The following GAK variants were observed in gnomAD, a reference collection of about 807,000 sequenced individuals.
The protein encoded by GAK is cyclin G associated kinase, also known as cyclin-G-associated kinase.
In GAK, 79 loss-of-function variants were observed where a neutral mutation model predicts 143.9. The observed-to-expected ratio is 0.55, with a 90% CI of 0.46 to 0.66. The LOEUF (loss-of-function observed/expected upper bound fraction) is 0.66, where lower values mean the gene tolerates loss of function less well. Among genes scored for constraint, GAK ranks in the 30% least tolerant of loss-of-function variants. GAK has a pLI of 0.00. For missense variants in GAK, 1,693 were observed against 1,779.7 expected, an observed-to-expected ratio of 0.95 and a Z score of 0.88; for synonymous variants, 881 against 765.5, an observed-to-expected ratio of 1.15 and a Z score of -2.49.
chr4:918,232 T>C (rs1242751221), intron 1 of GAK, among the ~76,000 whole-genome samples: 1 of 152,224 alleles, frequency 6.6e-6, no homozygotes, highest in African/African-American at 2.4e-5. Flanking sequence ...TAGGGAACAC[T>C]GGATCACCAA....
chr4:849,832 G>T, intron 27 of GAK, 58 bp from the exon 28 acceptor site: 1 of 1,256,596 alleles, frequency 8.0e-7, no homozygotes, highest in Non-Finnish European at 1.1e-6. Context: ...GGGCGGGGCA[G>T]GACCCCCCCC....
chr4:914,815 C>T (rs1300972474), intron 1 of GAK, among the ~76,000 whole-genome samples: 3 of 134,088 alleles, frequency 2.2e-5, no homozygotes, highest in African/African-American at 8.6e-5. Flanking sequence ...CATACACACA[C>T]AGCCCCAACG....
At chr4:863,889 G>A (rs986270900) in intron 23 of GAK, among the ~76,000 whole-genome samples, 9 of 152,162 alleles carry the variant, frequency 5.9e-5, no homozygotes, top group Non-Finnish European at 1.0e-4. Flanking sequence ...TGGGCGTGGT[G>A]GCAGGCACCT....
chr4:901,139 C>T, intron 5 of GAK, among the ~76,000 whole-genome samples: 1 of 152,256 alleles, frequency 6.6e-6, no homozygotes, highest in Admixed American at 6.5e-5. Flanking sequence ...ACCAGAGAAA[C>T]ACAGAGGGAA....
chr4:914,447 A>T (rs1435982880), intron 1 of GAK, among the ~76,000 whole-genome samples: 1 of 34,914 alleles, frequency 2.9e-5, no homozygotes, highest in African/African-American at 1.2e-4. Context: ...CACGGCCCCC[A>T]CACACACAGC....
chr4:880,640 C>T (rs1714906589), intron 15 of GAK, among the ~76,000 whole-genome samples: 1 of 152,152 alleles, frequency 6.6e-6, no homozygotes, highest in South Asian at 2.1e-4. Flanking sequence ...TTCTGGCCTC[C>T]TTCTCTTCTG....
Position 867,426 on chromosome 4 carries a change from T to G in GAK, c.2402A>C (p.Lys801Thr), listed in dbSNP as rs1410199170. 1 of 1,518,972 alleles carries G rather than the reference T, an allele frequency of 6.6e-7. No individual in the cohort carries two copies. The highest frequency in any genetic ancestry group is 2.1e-5 in the Admixed American group (1 of 47,852). The allele number at this position is 1,518,972 out of a possible 1,614,324, so 94.1% of individuals were successfully genotyped here. The part of the protein sequence containing the change: ...FLHTLDWQEE[K>T]EAETGAENAS... ...ATTTTCTGCACCAGTCTCTGCCTCC[T>G]TCTCTTCTGCGAAAAGGAAACAAAA... Residue 801 changes from lysine (K) to threonine (T), a missense_variant, in exon 21 of 28, where the codon AAG becomes ACG. Coordinates refer to ENST00000314167, the MANE Select transcript of GAK (RefSeq NM_005255.4).
chr4:849,868 C>T (rs766914110), intron 27 of GAK, 24 bp downstream of exon 27: 32 of 1,533,740 alleles, frequency 2.1e-5, no homozygotes, highest in South Asian at 6.9e-5. Flanking sequence ...AGGCCTCAAG[C>T]GGCCGCCTGG....
In GAK at chr4:868,559, AG is replaced by A. The variant is rs1711554552; in HGVS notation, c.2374del (p.Leu792CysfsTer28). On this transcript the variant is annotated frameshift_variant, in exon 20 of 28. Coordinates refer to ENST00000314167, the MANE Select transcript of GAK (RefSeq NM_005255.4). LOFTEE classifies it high-confidence loss of function. ...CCTACCCTGCCAGTCCAGCGTGTGC[AG>A]GAAGCGACTGGCGTCCGCGCTGCTG... ...PSSSADASRFLHTLDWQEEKE... is the reference protein window; with the variant it reads ...PSSSADASRFXHTLDWQEEKE... The A allele has an allele frequency of 6.2e-7, 1 of 1,608,158 alleles. No individual in the cohort carries two copies. Among genetic ancestry groups the A allele is most frequent in the African/African-American group, 1.3e-5 (1 of 74,812 alleles).
At chr4:925,940 C>A (rs563744284) in intron 1 of GAK, among the ~76,000 whole-genome samples, 29 of 152,318 alleles carry the variant, frequency 1.9e-4, no homozygotes, top group African/African-American at 6.7e-4. Context: ...CAGGAGTCCA[C>A]GGAGTGGAGG....
Position 865,189 on chromosome 4 carries a change from C to A in GAK, c.3099G>T (p.Leu1033=). Residue 1033 remains leucine (L), a synonymous_variant, in exon 23 of 28, where the codon CTG becomes CTT. Transcript: ENST00000314167. Reference sequence around the variant, plus strand: ...CGGTCCAGGCAGCCCATCCTCCCAGCAGGTCTGGGTTGCTGGACGAGGCTG... The same window carrying A: ...CGGTCCAGGCAGCCCATCCTCCCAGAAGGTCTGGGTTGCTGGACGAGGCTG... ...KMTASSSNPD[L]LGGWAAWTET... 6.2e-7 allele frequency: 1 copy of A among 1,613,364 alleles called. No individual in the cohort carries two copies. The highest frequency in any genetic ancestry group is 8.5e-7 in the Non-Finnish European group (1 of 1,179,858).
intron 4 of GAK, among the ~76,000 whole-genome samples, chr4:906,387 G>A (rs750098098): frequency 6.6e-5 from 10 of 152,166 alleles, no homozygotes; most frequent in Admixed American, 2.6e-4. Context: ...CAGGGAGCCC[G>A]TCCTGCCATG....
intron 1 of GAK, among the ~76,000 whole-genome samples, chr4:914,246 CCCCCA>C (rs1478987315): frequency 4.9e-5 from 3 of 61,322 alleles, no homozygotes; most frequent in Non-Finnish European, 6.8e-5. Context: ...GCACGGCCCC[CCCCCA>C]CACACACAGC....
intron 1 of GAK, among the ~76,000 whole-genome samples, chr4:919,827 T>C (rs945751498): frequency 6.6e-6 from 1 of 152,224 alleles, no homozygotes; most frequent in African/African-American, 2.4e-5. Context: ...TGTTTACATC[T>C]ACATCCAGCA....
intron 18 of GAK, among the ~76,000 whole-genome samples, chr4:874,623 T>C (rs1359660942): frequency 6.6e-6 from 1 of 152,084 alleles, no homozygotes; most frequent in Non-Finnish European, 1.5e-5. Context: ...TTCCAGCAAT[T>C]CAACCAGGAT....
chr4:898,644 C>G (rs1719265554), intron 5 of GAK, among the ~76,000 whole-genome samples: 1 of 152,190 alleles, frequency 6.6e-6, no homozygotes, highest in Non-Finnish European at 1.5e-5. Context: ...GGCGGATCAC[C>G]TGAGGTCAGG....
chr4:882,492 G>A (rs1715339383), intron 14 of GAK, among the ~76,000 whole-genome samples: 1 of 152,096 alleles, frequency 6.6e-6, no homozygotes, highest in Non-Finnish European at 1.5e-5. Flanking sequence ...TCAAGGCCAG[G>A]AAGGGCCACA....
intron 17 of GAK, 73 bp downstream of exon 17, chr4:877,017 G>A (rs1219527769): frequency 8.8e-6 from 9 of 1,020,708 alleles, no homozygotes; most frequent in African/African-American, 3.2e-5. Flanking sequence ...AGAAGTGAGC[G>A]CACTGTGGCC....
chr4:927,850 G>A (rs192726321), intron 1 of GAK, among the ~76,000 whole-genome samples: 20 of 152,038 alleles, frequency 1.3e-4, no homozygotes, highest in Admixed American at 7.8e-4. Context: ...CGCAGCCACC[G>A]CACTTCAGGC....
Sources: allele counts gnomAD v4.1 joint callset (sites outside exome capture counted in the v4.1 genomes callset), GRCh38; gene constraint gnomAD v4.1.1; transcripts MANE v1.5; gene names NCBI Gene and HGNC (gene_info 2026-07-23, HGNC 2026-07-21).